Variants in SLC8A1 observed in about 807,000 individuals in gnomAD.
SLC8A1 encodes the protein solute carrier family 8 member A1.
In SLC8A1, 18 loss-of-function variants were observed where a neutral mutation model predicts 68.3. The ratio of observed to expected loss-of-function variants is 0.26; its 90% CI spans 0.18 to 0.39. SLC8A1 has a LOEUF of 0.39. Among genes scored for constraint, SLC8A1 ranks in the 10% least tolerant of loss-of-function variants. SLC8A1 has a pLI of 1.00. For synonymous variants in SLC8A1, 475 were observed against 415.5 expected (o/e 1.14, Z -1.74); for missense variants, 985 against 1,156.7 (o/e 0.85, Z 2.15).
chr2:40,248,149 G>T (rs1012323042), intron 2 of SLC8A1, among the ~76,000 whole-genome samples: 4 of 152,164 alleles, frequency 2.6e-5, no homozygotes, highest in Non-Finnish European at 4.4e-5. Context: ...ATGACATTAA[G>T]ATATGTTAAG....
chr2:40,411,443 G>C (rs998585653), intron 2 of SLC8A1, among the ~76,000 whole-genome samples: 1 of 151,934 alleles, frequency 6.6e-6, no homozygotes, highest in Non-Finnish European at 1.5e-5. Context: ...GTTATTATAA[G>C]CCTTACCATG....
intron 2 of SLC8A1, among the ~76,000 whole-genome samples, chr2:40,215,585 C>T (rs904434664): frequency 7.2e-6 from 1 of 138,932 alleles, no homozygotes; most frequent in Admixed American, 8.2e-5. Flanking sequence ...TGCAGTGAGC[C>T]GAGATTGTGC....
intron 1 of SLC8A1, among the ~76,000 whole-genome samples, chr2:40,432,568 G>A (rs1248401987): frequency 1.3e-5 from 2 of 151,256 alleles, no homozygotes; most frequent in Admixed American, 1.3e-4. Context: ...AAGAATTCCA[G>A]CAAGTGCAAA....
At chr2:40,217,686 T>C (rs2057706288) in intron 2 of SLC8A1, among the ~76,000 whole-genome samples, 1 of 152,160 alleles carries the variant, frequency 6.6e-6, no homozygotes, top group Non-Finnish European at 1.5e-5. Context: ...CCATATTCAA[T>C]AGAATAAGAA....
At chr2:40,447,766 T>C (rs1196000735) in intron 1 of SLC8A1, among the ~76,000 whole-genome samples, 1 of 152,168 alleles carries the variant, frequency 6.6e-6, no homozygotes, top group African/African-American at 2.4e-5. Flanking sequence ...AATAAATGCT[T>C]TGAACCTGGG....
At chr2:40,281,976 T>C (rs1205154803) in intron 2 of SLC8A1, among the ~76,000 whole-genome samples, 2 of 152,198 alleles carry the variant, frequency 1.3e-5, no homozygotes. Context: ...AGTCTGTTTA[T>C]TCTTCTAGAA....
chr2:40,387,611 G>A (rs1683971177), intron 2 of SLC8A1, among the ~76,000 whole-genome samples: 1 of 151,272 alleles, frequency 6.6e-6, no homozygotes, highest in Admixed American at 6.6e-5. Context: ...TGCTAATTAT[G>A]TTGAACTAGA....
chr2:40,419,503 T>TCTCCTTCTTACTCACCCTGCCTCCAC (rs1694862749), intron 2 of SLC8A1, among the ~76,000 whole-genome samples: 1 of 151,982 alleles, frequency 6.6e-6, no homozygotes, highest in Non-Finnish European at 1.5e-5. Context: ...TCTGCCTACC[T>TCTCCTTCTTACTCACCCTGCCTCCAC]CTCCTTCTTA....
At chr2:40,505,526 CA>C (rs1259424003) in intron 1 of SLC8A1, among the ~76,000 whole-genome samples, 1 of 151,808 alleles carries the variant, frequency 6.6e-6, no homozygotes, top group Non-Finnish European at 1.5e-5. Flanking sequence ...AAAAAAGTCA[CA>C]TTGGTGGAAA....
chr2:40,156,006 G>A (rs1224220446), intron 6 of SLC8A1, among the ~76,000 whole-genome samples: 1 of 152,136 alleles, frequency 6.6e-6, no homozygotes, highest in East Asian at 1.9e-4. Context: ...ATCTCACTTG[G>A]CTTTCTTTGA....
At chr2:40,502,892 C>T (rs908021968) in intron 1 of SLC8A1, among the ~76,000 whole-genome samples, 1 of 151,950 alleles carries the variant, frequency 6.6e-6, no homozygotes, top group African/African-American at 2.4e-5. Flanking sequence ...TCATCATCGC[C>T]TCTTCAATCT....
chr2:40,223,287 G>T (rs1483817694), intron 2 of SLC8A1, among the ~76,000 whole-genome samples: 1 of 152,116 alleles, frequency 6.6e-6, no homozygotes, highest in African/African-American at 2.4e-5. Flanking sequence ...AACACCACAT[G>T]TTCTCACTCA....
chr2:40,329,676 T>A lies in SLC8A1; in HGVS notation c.1808+98797A>T, dbSNP rs147668728. Among the ~76,000 whole-genome samples the A allele has an allele frequency of 9.0e-4, 137 of 152,228 alleles. 1 individual carries two copies. Among genetic ancestry groups the A allele is most frequent in the Admixed American group, 8.5e-4 (13 of 15,288 alleles). ...GACGAGTCCCTTAGCAAGGATAGGGTGCTGCACATTCAAGTTCTTGTTTTA... is the reference window on the plus strand; with the variant it reads ...GACGAGTCCCTTAGCAAGGATAGGGAGCTGCACATTCAAGTTCTTGTTTTA... On this transcript the variant is annotated intron_variant, in intron 2 of 7. Coordinates refer to ENST00000406785, the Ensembl canonical transcript of SLC8A1.
intron 6 of SLC8A1, among the ~76,000 whole-genome samples, chr2:40,153,444 T>A (rs1262376299): frequency 1.3e-5 from 2 of 152,228 alleles, no homozygotes; most frequent in Non-Finnish European, 2.9e-5. Context: ...TTATTTGTCA[T>A]CCATGTTATA....
intron 1 of SLC8A1, among the ~76,000 whole-genome samples, chr2:40,496,150 CT>C (rs1460895645): frequency 6.6e-6 from 1 of 152,068 alleles, no homozygotes; most frequent in African/African-American, 2.4e-5. Flanking sequence ...CCAAATCAAA[CT>C]TCAGATGCCA....
chr2:40,451,677 GCA>G (rs1702512592), intron 1 of SLC8A1, among the ~76,000 whole-genome samples: 1 of 151,342 alleles, frequency 6.6e-6, no homozygotes, highest in Admixed American at 6.6e-5. Flanking sequence ...ACCAGCCCGA[GCA>G]ATTTCACTCT....
intron 2 of SLC8A1, among the ~76,000 whole-genome samples, chr2:40,299,296 T>C (rs1352070083): frequency 1.3e-5 from 2 of 152,148 alleles, no homozygotes; most frequent in African/African-American, 2.4e-5. Flanking sequence ...AGGGAGTTGA[T>C]TGCCTAAGTG....
chr2:40,313,732 T>C (rs975564688), intron 2 of SLC8A1, among the ~76,000 whole-genome samples: 1 of 152,074 alleles, frequency 6.6e-6, no homozygotes, highest in Admixed American at 6.6e-5. Context: ...AGCTACTCTA[T>C]TCAGTGTGCA....
chr2:40,394,517 T>C (rs180728437), intron 2 of SLC8A1, among the ~76,000 whole-genome samples: 19 of 152,046 alleles, frequency 1.2e-4, no homozygotes, highest in Middle Eastern at 3.4e-3. Flanking sequence ...AATGGCAGAT[T>C]TGGTTTTATC....
Sources: allele counts gnomAD v4.1 joint callset (sites outside exome capture counted in the v4.1 genomes callset), GRCh38; gene constraint gnomAD v4.1.1; transcripts MANE v1.5; gene names NCBI Gene and HGNC (gene_info 2026-07-23, HGNC 2026-07-21).